RNF115: variants seen among roughly 807,000 people sequenced by gnomAD.
RNF115 encodes ring finger protein 115.
Under a neutral mutation model 39.2 loss-of-function variants are expected in RNF115, and 31 were observed. The ratio of observed to expected loss-of-function variants is 0.79; its 90% confidence interval spans 0.59 to 1.07. The LOEUF is 1.07. Among genes scored for constraint, RNF115 ranks in the 50% least tolerant of loss-of-function variants. The probability of loss-of-function intolerance (pLI) is 0.00; values close to 1 mark genes in which losing one functional copy is unlikely to be tolerated. For synonymous variants in RNF115, 124 were observed against 131.0 expected (o/e 0.95, Z 0.37); for missense variants, 384 against 381.7 (o/e 1.01, Z -0.05).
At chr1:145,808,138 T>C (rs1553721889) in intron 1 of RNF115, among the ~76,000 whole-genome samples, 1 of 152,190 alleles carries the variant, frequency 6.6e-6, no homozygotes, top group East Asian at 1.9e-4. Context: ...CTGTGAATAG[T>C]ACTACAATGA....
chr1:145,764,179 G>A lies in RNF115; in HGVS notation c.428+7532C>T, dbSNP rs1482321038. On this transcript the variant is annotated intron_variant, in intron 4 of 8. Coordinates refer to ENST00000582693, the MANE Select transcript of RNF115 (RefSeq NM_014455.4). ...GATCCGCCAGCCTCGGCCTCCCGAG[G>A]TGCCGGGATTGCAGACGGAGTCTTG... is the stretch of plus-strand genomic sequence containing the variant. Among the ~76,000 whole-genome samples the A allele has an allele frequency of 2.6e-5, 4 of 152,176 alleles. No individual in the cohort carries two copies. The South Asian group carries it at 8.3e-4, about 31-fold the overall frequency.
chr1:145,753,128 C>T, intron 4 of RNF115, 79 bp from the exon 5 acceptor site: 1 of 934,024 alleles, frequency 1.1e-6, no homozygotes, highest in Non-Finnish European at 1.7e-6. Context: ...GCCTAATCAC[C>T]AACTAATTCC....
chr1:145,779,900 T>C (rs1648047498), intron 3 of RNF115, among the ~76,000 whole-genome samples: 1 of 150,778 alleles, frequency 6.6e-6, no homozygotes, highest in African/African-American at 2.4e-5. Context: ...TGACCTCAAG[T>C]GATCTGCATG....
chr1:145,779,237 C>T (rs1467498017), intron 3 of RNF115, among the ~76,000 whole-genome samples: 24 of 151,384 alleles, frequency 1.6e-4, no homozygotes, highest in Admixed American at 1.5e-3. Context: ...TGCAGTGGCA[C>T]GAGCTCAGCT....
intron 6 of RNF115, 136 bp from the exon 7 acceptor site, chr1:145,750,636 G>A: frequency 3.1e-6 from 2 of 644,828 alleles, no homozygotes; most frequent in Middle Eastern, 2.5e-4. Flanking sequence ...GCTCTGAGAG[G>A]CTTGGGTTTC....
At chr1:145,755,902 T>C (rs1553713107) in intron 4 of RNF115, among the ~76,000 whole-genome samples, 1 of 152,206 alleles carries the variant, frequency 6.6e-6, no homozygotes, top group Non-Finnish European at 1.5e-5. Flanking sequence ...AAAAACTGGT[T>C]GATAATCTAG....
rs782124987 is a variant in RNF115 at position 145,784,559 on chromosome 1, T to C, written c.199A>G (p.Thr67Ala). 3 of 1,613,960 alleles carry C rather than the reference T, an allele frequency of 1.9e-6. No homozygotes were observed. Among genetic ancestry groups the C allele is most frequent in the Non-Finnish European group, 2.5e-6 (3 of 1,179,886 alleles). The change falls in exon 3 of 9, where the codon ACA (threonine) becomes GCA (alanine). Residue 67 changes from threonine to alanine, a missense_variant. Coordinates refer to ENST00000582693, the MANE Select transcript of RNF115 (RefSeq NM_014455.4). The part of the protein sequence containing the change: ...GGGGSRIDNT[T>A]TTHFAELWGH... ...CTTACCTCTGCAAAATGTGTTGTTG[T>C]GGTATTGTCTATCCGACTGCCGCCA... is the stretch of plus-strand genomic sequence containing the variant.
intron 1 of RNF115, among the ~76,000 whole-genome samples, chr1:145,799,193 G>A (rs1171826760): frequency 6.6e-6 from 1 of 151,516 alleles, no homozygotes; most frequent in Middle Eastern, 3.2e-3. Flanking sequence ...TCAGCCTCCC[G>A]AGTAGCTGGG....
chr1:145,748,837 T>C (rs899816610), intron 7 of RNF115, among the ~76,000 whole-genome samples: 5 of 151,444 alleles, frequency 3.3e-5, no homozygotes, highest in African/African-American at 9.7e-5. Context: ...AGAGCCAAGA[T>C]TGCGCCACTG....
At chr1:145,767,755 GC>G (rs1210106725) in intron 4 of RNF115, among the ~76,000 whole-genome samples, 1 of 152,264 alleles carries the variant, frequency 6.6e-6, no homozygotes, top group African/African-American at 2.4e-5. Flanking sequence ...CGGATCACTC[GC>G]GGTTAGCAGC....
At chr1:145,796,688 A>G (rs1648999250) in intron 1 of RNF115, among the ~76,000 whole-genome samples, 3 of 152,154 alleles carry the variant, frequency 2.0e-5, no homozygotes, top group Admixed American at 2.0e-4. Context: ...CACTCAGCCC[A>G]TATTAACCAT....
chr1:145,738,897 T>G lies in RNF115; in HGVS notation c.*7969A>C, dbSNP rs192111828. 1 of 155,370 alleles carries G rather than the reference T, an allele frequency of 6.4e-6. No individual in the cohort carries two copies. Among genetic ancestry groups the G allele is most frequent in the South Asian group, 2.1e-4 (1 of 4,856 alleles). 9.6% of individuals were successfully genotyped at this position (155,370 alleles called of 1,614,324 possible). A position where few individuals can be genotyped will look rare whatever the true frequency, so the allele number is the denominator to read the frequency against. ...GGGGGAATAAATTTTTATTTAACAC[T>G]GCAAAGGAAAGAGAGAGAAAACAAG... On this transcript the variant is annotated 3_prime_UTR_variant, in exon 9 of 9. Coordinates refer to ENST00000582693, the MANE Select transcript of RNF115 (RefSeq NM_014455.4).
At position 145,742,631 on chromosome 1, in the gene RNF115, A is replaced by G. The variant is rs1257730331; in HGVS notation, c.*4235T>C. On this transcript the variant is annotated 3_prime_UTR_variant, in exon 9 of 9. Coordinates refer to ENST00000582693, the MANE Select transcript of RNF115 (RefSeq NM_014455.4). The stretch of plus-strand genomic sequence containing the variant: ...CTCACTTTACCTCAGTGCACACCAT[A>G]TCCCTTCTTCCTCCATTGTGAAATG... 3.9e-5 allele frequency: 6 copies of G among 152,172 alleles called. No homozygotes were observed. The highest frequency in any genetic ancestry group is 1.4e-4 in the African/African-American group (6 of 41,434). 9.4% of individuals were successfully genotyped at this position (152,172 alleles called of 1,614,324 possible).
intron 4 of RNF115, among the ~76,000 whole-genome samples, chr1:145,756,536 T>A (rs1658300478): frequency 6.6e-6 from 1 of 151,954 alleles, no homozygotes; most frequent in Admixed American, 6.6e-5. Flanking sequence ...AAAATCGGAC[T>A]AAGAAGCTTA....
chr1:145,756,233 G>T lies in RNF115; in HGVS notation c.429-3184C>A, dbSNP rs139133623. On this transcript the variant is annotated intron_variant, in intron 4 of 8. Transcript: ENST00000582693. The stretch of plus-strand genomic sequence containing the variant: ...CCCAGCACTTTGGGAGGTCAAGGCA[G>T]GAGGATCACTTGAGGCCAGGAATTT... Among the ~76,000 whole-genome samples, 570 of 152,242 alleles carry T rather than the reference G, an allele frequency of 3.7e-3. 4 individuals carry two copies. The highest frequency in any genetic ancestry group is 0.013 in the African/African-American group (548 of 41,536).
intron 7 of RNF115, 89 bp downstream of exon 7, chr1:145,750,318 T>C (rs1553712285): frequency 2.9e-6 from 3 of 1,029,050 alleles, no homozygotes; most frequent in Admixed American, 5.0e-5. Context: ...TTTATTTTGT[T>C]CACTTTTTAA....
chr1:145,813,531 C>T (rs1437882134), intron 1 of RNF115, among the ~76,000 whole-genome samples: 1 of 152,098 alleles, frequency 6.6e-6, no homozygotes, highest in Non-Finnish European at 1.5e-5. Flanking sequence ...TTATAAGTTG[C>T]CCTTACAGTA....
chr1:145,760,633 G>C (rs1237900816), intron 4 of RNF115, among the ~76,000 whole-genome samples: 1 of 152,284 alleles, frequency 6.6e-6, no homozygotes, highest in East Asian at 1.9e-4. Context: ...CCATGATTAA[G>C]AGGCCTCCCC....
chr1:145,795,352 G>T (rs928258242), intron 1 of RNF115, among the ~76,000 whole-genome samples: 1 of 152,008 alleles, frequency 6.6e-6, no homozygotes, highest in Non-Finnish European at 1.5e-5. Flanking sequence ...AACGCGGAAG[G>T]GACCCAAGCT....
Sources: allele counts gnomAD v4.1 joint callset (sites outside exome capture counted in the v4.1 genomes callset), GRCh38; gene constraint gnomAD v4.1.1; transcripts MANE v1.5; gene names NCBI Gene and HGNC (gene_info 2026-07-23, HGNC 2026-07-21).